The following MEPE variants were observed in gnomAD, a reference collection of about 807,000 sequenced individuals.
The protein encoded by MEPE is matrix extracellular phosphoglycoprotein.
In MEPE, 7 loss-of-function variants were observed where a neutral mutation model predicts 7.3. The observed-to-expected ratio is 0.95, with a 90% CI of 0.54 to 1.79. The LOEUF (loss-of-function observed/expected upper bound fraction) is 1.79. MEPE is among the 40% of genes most tolerant of loss of function. The pLI is 0.00. For synonymous variants in MEPE, 214 were observed against 213.1 expected, an observed-to-expected ratio of 1.00 and a Z score of -0.04; for missense variants, 623 against 628.2, an observed-to-expected ratio of 0.99 and a Z score of 0.09.
chr4:87,829,419 A>G (rs1052722586), upstream of MEPE, among the ~76,000 whole-genome samples: 1 of 152,192 alleles, frequency 6.6e-6, no homozygotes, highest in Admixed American at 6.6e-5. Flanking sequence ...TTTCTAGATC[A>G]TAATTAATTT....
intron 3 of MEPE, among the ~76,000 whole-genome samples, chr4:87,839,084 G>T (rs990372648): frequency 2.3e-4 from 35 of 152,284 alleles, no homozygotes; most frequent in African/African-American, 7.5e-4. Context: ...GTGGCTATCA[G>T]ATCTGAATGG....
chr4:87,830,576 T>A (rs1262405390), upstream of MEPE, among the ~76,000 whole-genome samples: 1 of 152,090 alleles, frequency 6.6e-6, no homozygotes, highest in African/African-American at 2.4e-5. Flanking sequence ...TGGGGTCTAC[T>A]TGAGGGTGAA....
chr4:87,828,598 AG>A (rs374068302), upstream of MEPE, among the ~76,000 whole-genome samples: 307 of 152,308 alleles, frequency 2.0e-3, 2 homozygotes, highest in South Asian at 0.015. Flanking sequence ...CAAACAAAAA[AG>A]CCTTATTCCT....
chr4:87,831,087 T>C (rs1026904981), upstream of MEPE, among the ~76,000 whole-genome samples: 32 of 152,182 alleles, frequency 2.1e-4, no homozygotes, highest in Admixed American at 2.1e-3. Flanking sequence ...TTATTGATGC[T>C]TTAATATATA....
chr4:87,825,647 T>G (rs533643076), intron 1 of MEPE, among the ~76,000 whole-genome samples: 2 of 152,246 alleles, frequency 1.3e-5, no homozygotes, highest in Non-Finnish European at 2.9e-5. Context: ...ATGGAAACTT[T>G]TATTCTTAGA....
chr4:87,829,329 C>T (rs769931931), upstream of MEPE, among the ~76,000 whole-genome samples: 1 of 151,994 alleles, frequency 6.6e-6, no homozygotes, highest in Non-Finnish European at 1.5e-5. Context: ...ACTGCCAGTT[C>T]ACCCCTTGGT....
chr4:87,842,354 A>G (rs1723047158), intron 3 of MEPE, among the ~76,000 whole-genome samples: 1 of 152,158 alleles, frequency 6.6e-6, no homozygotes, highest in Non-Finnish European at 1.5e-5. Context: ...TCCATCAGGG[A>G]GCTCTCGTGT....
Position 87,846,016 on chromosome 4 carries a change from G to T in MEPE, c.1148G>T (p.Arg383Ile), listed in dbSNP as rs774531921. The T allele has an allele frequency of 4.3e-6, 7 of 1,613,976 alleles. No homozygotes were observed. The highest frequency in any genetic ancestry group is 5.9e-6 in the Non-Finnish European group (7 of 1,179,960). Reference protein sequence around the residue: ...HYPPAPSKEKRKEGSSDAAES... With the variant: ...HYPPAPSKEKIKEGSSDAAES... ...CCTCCTGCACCCTCAAAAGAGAAAA[G>T]AAAAGAAGGCAGTAGTGATGCAGCT... The change falls in exon 4 of 4, where the codon AGA (arginine) becomes ATA (isoleucine). Residue 383 changes from arginine to isoleucine, a missense_variant. Physicochemically the swap from Arg to Ile is moderately conservative, Grantham distance 97 (BLOSUM62 -3). Coordinates refer to ENST00000361056, the MANE Select transcript of MEPE (RefSeq NM_020203.6).
upstream of MEPE, among the ~76,000 whole-genome samples, chr4:87,828,378 GA>G (rs2109990209): frequency 6.6e-6 from 1 of 152,208 alleles, no homozygotes; most frequent in Non-Finnish European, 1.5e-5. Context: ...AGAACATATG[GA>G]AAAGTGTATT....
intron 2 of MEPE, among the ~76,000 whole-genome samples, chr4:87,835,349 C>T (rs1374214317): frequency 6.6e-6 from 1 of 152,210 alleles, no homozygotes; most frequent in African/African-American, 2.4e-5. Context: ...TTCCCTCTGA[C>T]TCACCCAGTT....
intron 2 of MEPE, among the ~76,000 whole-genome samples, 164 bp from the exon 3 acceptor site, chr4:87,838,468 A>G (rs1722883928): frequency 6.6e-6 from 1 of 151,912 alleles, no homozygotes; most frequent in Non-Finnish European, 1.5e-5. Context: ...TGAAACAAAT[A>G]TTATATTAAT....
In MEPE at chr4:87,834,669, T is replaced by C. The variant is rs1328055482; in HGVS notation, c.-12-34T>C. The C allele has an allele frequency of 1.9e-6, 3 of 1,552,718 alleles. No individual in the cohort carries two copies. The East Asian group carries it at 6.7e-5, about 35-fold the overall frequency. On this transcript the variant is annotated intron_variant, in intron 1 of 3. Transcript: ENST00000361056. ...TATGGCTGCAGTTTATAACTGGCAATGCTTTGTGGTAAGATATTGTTGTCT... is the reference window on the plus strand; with the variant it reads ...TATGGCTGCAGTTTATAACTGGCAACGCTTTGTGGTAAGATATTGTTGTCT...
chr4:87,834,041 A>G (rs1219434467), intron 1 of MEPE, among the ~76,000 whole-genome samples: 1 of 152,234 alleles, frequency 6.6e-6, no homozygotes, highest in Non-Finnish European at 1.5e-5. Context: ...TCTATACAAC[A>G]GGCATAGTAA....
chr4:87,822,379 C>G (rs765494639), intron 1 of MEPE, among the ~76,000 whole-genome samples: 1 of 152,162 alleles, frequency 6.6e-6, no homozygotes, highest in Non-Finnish European at 1.5e-5. Context: ...GACTTTCCCA[C>G]TCACAACCCG....
At chr4:87,824,220 G>A (rs553048808) in intron 1 of MEPE, among the ~76,000 whole-genome samples, 1 of 152,282 alleles carries the variant, frequency 6.6e-6, no homozygotes, top group East Asian at 1.9e-4. Context: ...TCTTGGCTTT[G>A]CAGAATTTGT....
rs1184568961 is a variant in MEPE at position 87,823,078 on chromosome 4, C to A, written c.-13+1607C>A. ...CCTGGACGTTTCAGAAGGAGGCTGGCCACATAGGAGTGTGGACTGGCTAAA... is the reference window on the plus strand; with the variant it reads ...CCTGGACGTTTCAGAAGGAGGCTGGACACATAGGAGTGTGGACTGGCTAAA... On this transcript the variant is annotated intron_variant, in intron 1 of 3. Transcript: ENST00000424957. Among the ~76,000 whole-genome samples the A allele has an allele frequency of 2.0e-5, 3 of 152,208 alleles. No individual in the cohort carries two copies. In the East Asian group the frequency reaches 5.8e-4, roughly 29 times the overall value.
upstream of MEPE, among the ~76,000 whole-genome samples, chr4:87,832,483 C>G (rs115730012): frequency 2.0e-3 from 307 of 152,160 alleles, no homozygotes; most frequent in African/African-American, 6.7e-3. Flanking sequence ...TATCTGTCTC[C>G]CTTATTGGAT....
chr4:87,827,658 G>T (rs1722502971), intron 1 of MEPE, among the ~76,000 whole-genome samples: 1 of 152,174 alleles, frequency 6.6e-6, no homozygotes, highest in African/African-American at 2.4e-5. Context: ...GAAGGAAAGG[G>T]CTAGCATCAT....
At position 87,846,171 on chromosome 4, in the gene MEPE, G is replaced by A. The variant is rs200078044; in HGVS notation, c.1303G>A (p.Gly435Ser). Residue 435 changes from glycine (G) to serine (S), a missense_variant, in exon 4 of 4, where the codon GGC becomes AGC. Physicochemically the swap from Gly to Ser is moderately conservative, Grantham distance 56. Transcript: ENST00000361056. ...QRFPSKGKSQGLPIPSRGLDN... is the reference protein window; with the variant it reads ...QRFPSKGKSQSLPIPSRGLDN... ...GTTTCCTAGTAAGGGCAAAAGTCAG[G>A]GCCTGCCCATTCCTTCTCGTGGTCT... 2.3e-5 allele frequency: 37 copies of A among 1,613,678 alleles called. No homozygotes were observed. Among genetic ancestry groups the A allele is most frequent in the Non-Finnish European group, 4.2e-6 (5 of 1,179,912 alleles).
Sources: gnomAD v4.1 joint callset for allele counts (sites outside exome capture counted in the v4.1 genomes callset) on GRCh38, gnomAD v4.1.1 for gene constraint, MANE v1.5 for transcripts, NCBI Gene and HGNC (gene_info 2026-07-23, HGNC 2026-07-21) for gene names.